The following CDK7 variants were observed in gnomAD, a reference collection of about 807,000 sequenced individuals.
The protein encoded by CDK7 is cyclin dependent kinase 7.
Under a neutral mutation model 49.1 loss-of-function variants are expected in CDK7, and 25 were observed. The observed-to-expected ratio is 0.51, with a 90% CI of 0.37 to 0.71. The LOEUF (loss-of-function observed/expected upper bound fraction) is 0.71, where lower values mean the gene tolerates loss of function less well. CDK7 is among the 30% of genes least tolerant of loss of function. CDK7 has a pLI of 0.00. For missense variants in CDK7, 316 were observed against 411.7 expected (o/e 0.77, Z 2.01); for synonymous variants, 107 against 140.0 (o/e 0.76, Z 1.67).
chr5:69,265,221 C>T (rs1751069844), intron 8 of CDK7, among the ~76,000 whole-genome samples: 2 of 151,460 alleles, frequency 1.3e-5, no homozygotes, highest in Admixed American at 1.3e-4. Flanking sequence ...GCCAAGATCG[C>T]ACCACTGCAC....
At chr5:69,249,682 A>C (rs923463988) in intron 2 of CDK7, among the ~76,000 whole-genome samples, 2 of 152,124 alleles carry the variant, frequency 1.3e-5, no homozygotes, top group African/African-American at 4.8e-5. Flanking sequence ...CCTCGTCTCT[A>C]CTAAAAATAC....
intron 2 of CDK7, among the ~76,000 whole-genome samples, chr5:69,242,368 A>G (rs1749451167): frequency 6.6e-6 from 1 of 152,138 alleles, no homozygotes; most frequent in African/African-American, 2.4e-5. Flanking sequence ...GCCCTGACTC[A>G]GTTCCTAAGT....
chr5:69,250,013 A>G (rs1334970292), intron 2 of CDK7, among the ~76,000 whole-genome samples: 1 of 152,260 alleles, frequency 6.6e-6, no homozygotes, highest in Non-Finnish European at 1.5e-5. Context: ...TTCTGAAAAC[A>G]GCTATTTCGA....
At chr5:69,245,312 C>CCCCCCTTCCCT (rs1404078267) in intron 2 of CDK7, among the ~76,000 whole-genome samples, 1 of 133,946 alleles carries the variant, frequency 7.5e-6, no homozygotes. Flanking sequence ...TCCCCTTCCC[C>CCCCCCTTCCCT]CTCCCCTTCC....
At chr5:69,238,647 CTTTTT>C (rs796578940) in intron 2 of CDK7, among the ~76,000 whole-genome samples, 2 of 144,426 alleles carry the variant, frequency 1.4e-5, no homozygotes, top group African/African-American at 5.2e-5. Flanking sequence ...ACTTGTTATT[CTTTTT>C]TTTTTATTTT....
At chr5:69,277,039 T>G in intron 11 of CDK7, 68 bp from the exon 12 acceptor site, 1 of 1,350,524 alleles carries the variant, frequency 7.4e-7, no homozygotes, top group East Asian at 2.3e-5. Context: ...TGGTTAAAAT[T>G]GCTATGAGAA....
intron 11 of CDK7, 150 bp downstream of exon 11, chr5:69,276,840 CCG>C (rs1752199135): frequency 1.3e-6 from 1 of 759,860 alleles, no homozygotes; most frequent in African/African-American, 1.8e-5. Context: ...AGAGACTGTG[CCG>C]TTTTAGGTAT....
Position 69,254,584 on chromosome 5 carries a change from C to A in CDK7, c.161-18C>A. ...AGATTTCAGAATTATTCACTTTTTG[C>A]TTTGCCTTTTTATATAGGTATAAAT... On this transcript the variant is annotated intron_variant, in intron 3 of 11. Transcript: ENST00000256443. 1 of 1,158,788 alleles carries A rather than the reference C, an allele frequency of 8.6e-7. No individual in the cohort carries two copies. Among genetic ancestry groups the A allele is most frequent in the Non-Finnish European group, 1.3e-6 (1 of 784,060 alleles). 71.8% of individuals were successfully genotyped at this position (1,158,788 alleles called of 1,614,324 possible).
intron 8 of CDK7, among the ~76,000 whole-genome samples, chr5:69,267,552 C>T (rs1470680873): frequency 6.6e-6 from 1 of 152,076 alleles, no homozygotes; most frequent in East Asian, 1.9e-4. Flanking sequence ...TCGCCTCACC[C>T]TCCTAAAGTG....
intron 8 of CDK7, among the ~76,000 whole-genome samples, chr5:69,263,890 T>G (rs1168556223): frequency 6.6e-6 from 1 of 152,202 alleles, no homozygotes; most frequent in Admixed American, 6.5e-5. Flanking sequence ...ACTTGGAAAT[T>G]TATTAGCCAT....
At chr5:69,240,212 T>G (rs1401849261) in intron 2 of CDK7, among the ~76,000 whole-genome samples, 1 of 152,198 alleles carries the variant, frequency 6.6e-6, no homozygotes. Flanking sequence ...AATATTACAG[T>G]GACTTTAAGA....
chr5:69,259,023 C>CT (rs1178728889), intron 6 of CDK7, among the ~76,000 whole-genome samples: 9 of 151,512 alleles, frequency 5.9e-5, no homozygotes, highest in African/African-American at 2.2e-4. Flanking sequence ...TTGCAGTGAG[C>CT]TGAGACCTCA....
At chr5:69,235,211 C>T in intron 1 of CDK7, 170 bp downstream of exon 1, 2 of 748,912 alleles carry the variant, frequency 2.7e-6, no homozygotes, top group South Asian at 1.6e-5. Context: ...GGGGGTGAAT[C>T]CCTGAGGGGC....
intron 7 of CDK7, among the ~76,000 whole-genome samples, chr5:69,261,679 C>T (rs1215636525): frequency 6.6e-6 from 1 of 151,990 alleles, no homozygotes; most frequent in Non-Finnish European, 1.5e-5. Flanking sequence ...TACAGGCGCC[C>T]ACCACCATGC....
In CDK7 at chr5:69,262,239, A is replaced by G; in HGVS notation, c.562A>G (p.Arg188Gly). 6.2e-7 allele frequency: 1 copy of G among 1,614,084 alleles called. No homozygotes were observed. The highest frequency in any genetic ancestry group is 8.5e-7 in the Non-Finnish European group (1 of 1,180,024). Residue 188 changes from arginine to glycine, a missense_variant, in exon 8 of 12, where the codon AGG becomes GGG. Transcript: ENST00000256443. ...GGCCCCCGAGTTACTATTTGGAGCT[A>G]GGATGTATGGTGTAGGTGTGGACAT... The part of the protein sequence containing the change: ...YRAPELLFGA[R>G]MYGVGVDMWA...
intron 11 of CDK7, 39 bp downstream of exon 11, chr5:69,276,729 G>A (rs941386477): frequency 6.4e-7 from 1 of 1,573,984 alleles, no homozygotes; most frequent in Non-Finnish European, 8.7e-7. Context: ...AATGAATTTA[G>A]AAAACTCCAA....
intron 9 of CDK7, among the ~76,000 whole-genome samples, chr5:69,271,306 A>G (rs1000026517): frequency 6.6e-6 from 1 of 151,826 alleles, no homozygotes; most frequent in Non-Finnish European, 1.5e-5. Context: ...TTGATTTTTG[A>G]CTGTTGAGTA....
intron 9 of CDK7, among the ~76,000 whole-genome samples, chr5:69,271,060 A>G (rs942170717): frequency 2.0e-5 from 3 of 152,356 alleles, no homozygotes; most frequent in East Asian, 1.9e-4. Flanking sequence ...ACTCCAGAGC[A>G]GCTATACTGT....
chr5:69,251,411 CT>C (rs1300992466), intron 2 of CDK7, among the ~76,000 whole-genome samples: 1 of 151,976 alleles, frequency 6.6e-6, no homozygotes, highest in Non-Finnish European at 1.5e-5. Flanking sequence ...GCCCCAGTAA[CT>C]TTTTACATTT....
Sources: allele counts gnomAD v4.1 joint callset (sites outside exome capture counted in the v4.1 genomes callset), GRCh38; gene constraint gnomAD v4.1.1; transcripts MANE v1.5; gene names NCBI Gene and HGNC (gene_info 2026-07-23, HGNC 2026-07-21).